The following ABR variants were observed in gnomAD, a reference collection of about 807,000 sequenced individuals.
ABR encodes ABR activator of RhoGEF and GTPase, also known as active breakpoint cluster region-related protein.
In ABR, 35 loss-of-function variants were observed where a neutral mutation model predicts 107.2. That is an observed-to-expected ratio of 0.33 (90% confidence interval 0.25 to 0.43). ABR has a LOEUF of 0.43. Among genes scored for constraint, ABR ranks in the 20% least tolerant of loss-of-function variants. ABR has a pLI of 1.00. For synonymous variants in ABR, 498 were observed against 462.0 expected (o/e 1.08, Z -1.00); for missense variants, 815 against 1,115.2 (o/e 0.73, Z 3.83).
chr17:1,009,771 A>G lies in ABR; in HGVS notation c.2250T>C (p.Pro750=). 1 of 1,613,938 alleles carries G rather than the reference A, an allele frequency of 6.2e-7. No homozygotes were observed. Among genetic ancestry groups the G allele is most frequent in the Non-Finnish European group, 8.5e-7 (1 of 1,179,950 alleles). Residue 750 remains proline, a synonymous_variant, in exon 21 of 23, where the codon CCT becomes CCC. Coordinates refer to ENST00000302538, the MANE Select transcript of ABR (RefSeq NM_021962.5). ...AFMEGIALSD[P]AAKENCMMHL... ...GCATCATGCAGTTTTCCTTGGCAGC[A>G]GGGTCTGACAGGGCTGTGGGAGAGA...
upstream of ABR, among the ~76,000 whole-genome samples, chr17:1,183,458 G>A (rs1051735220): frequency 6.6e-6 from 1 of 152,122 alleles, no homozygotes; most frequent in African/African-American, 2.4e-5. Flanking sequence ...GGGCTGAGTG[G>A]GAAGAAGGTA....
chr17:1,143,938 G>A (rs113724380), intron 1 of ABR, among the ~76,000 whole-genome samples: 9 of 152,174 alleles, frequency 5.9e-5, no homozygotes, highest in African/African-American at 1.9e-4. Context: ...GTGAGCCCAC[G>A]GCCAGGATCT....
upstream of ABR, among the ~76,000 whole-genome samples, chr17:1,181,165 GC>G: frequency 6.6e-6 from 1 of 152,318 alleles, no homozygotes. Context: ...CCCGCAGAAC[GC>G]TGGAGGGGTG....
At chr17:1,203,631 G>A (rs2150725105) in intron 1 of ABR, among the ~76,000 whole-genome samples, 1 of 152,254 alleles carries the variant, frequency 6.6e-6, no homozygotes. Context: ...GCCGCTGCGA[G>A]GAGCCCGGCG....
chr17:1,165,886 G>C (rs1363340060), intron 1 of ABR, among the ~76,000 whole-genome samples: 1 of 152,142 alleles, frequency 6.6e-6, no homozygotes, highest in African/African-American at 2.4e-5. Context: ...TGGTCTCTCT[G>C]AGTCCAGGGC....
chr17:1,106,659 A>G (rs985743286), intron 2 of ABR, among the ~76,000 whole-genome samples: 1 of 150,808 alleles, frequency 6.6e-6, no homozygotes, highest in Non-Finnish European at 1.5e-5. Flanking sequence ...CCTCCTGAGT[A>G]GCTGGGATTA....
At chr17:1,165,391 G>A (rs1484121700) in intron 1 of ABR, among the ~76,000 whole-genome samples, 5 of 152,250 alleles carry the variant, frequency 3.3e-5, no homozygotes, top group Non-Finnish European at 7.3e-5. Context: ...CAGCCAGGGT[G>A]GCACCCACAG....
At chr17:1,141,957 C>T (rs2151498037) in intron 1 of ABR, among the ~76,000 whole-genome samples, 1 of 152,054 alleles carries the variant, frequency 6.6e-6, no homozygotes, top group East Asian at 1.9e-4. Context: ...AGGGTTTCAC[C>T]ATGTTAGCCA....
chr17:1,162,432 T>C (rs112576580), intron 1 of ABR, among the ~76,000 whole-genome samples: 2,441 of 152,154 alleles, frequency 0.016, 62 homozygotes, highest in African/African-American at 0.056. Context: ...CAGCAGGAGA[T>C]GAGAGGAAGA....
At chr17:1,107,214 G>C (rs559909116) in intron 2 of ABR, among the ~76,000 whole-genome samples, 1 of 152,316 alleles carries the variant, frequency 6.6e-6, no homozygotes, top group East Asian at 1.9e-4. Flanking sequence ...GCGTTTTCAG[G>C]TGTGACACGT....
chr17:1,050,567 G>A lies in ABR; in HGVS notation c.1629C>T (p.Phe543=), dbSNP rs762522332. The change falls in exon 15 of 23, where the codon TTC becomes TTT. Residue 543 remains phenylalanine (F), a synonymous_variant. Transcript: ENST00000302538. The surrounding 1 kb of genome is among the most constrained non-coding windows in gnomAD (Gnocchi z 4.6). ...CCCACTTGGGCTCCGCTGTGTCCCGGAACACCCTGGTTTTGGCTTTGCTGA... is the reference window on the plus strand; with the variant it reads ...CCCACTTGGGCTCCGCTGTGTCCCGAAACACCCTGGTTTTGGCTTTGCTGA... ...YFVSKAKTRV[F]RDTAEPKWDE... is the part of the protein sequence containing the mutation. 1 of 1,614,030 alleles carries A rather than the reference G, an allele frequency of 6.2e-7. No homozygotes were observed. Among genetic ancestry groups the A allele is most frequent in the Non-Finnish European group, 8.5e-7 (1 of 1,179,978 alleles).
At chr17:1,216,040 A>AAGGCC (rs1355154503) in intron 1 of ABR, among the ~76,000 whole-genome samples, 2 of 149,770 alleles carry the variant, frequency 1.3e-5, no homozygotes, top group Non-Finnish European at 1.5e-5. Flanking sequence ...AACACTGCGG[A>AAGGCC]AGGCCGCAGG....
At chr17:1,018,507 C>G (rs552159211) in intron 16 of ABR, among the ~76,000 whole-genome samples, 1 of 152,344 alleles carries the variant, frequency 6.6e-6, no homozygotes, top group Admixed American at 6.5e-5. Context: ...CCCTCCTCCG[C>G]CCCAGCTTCC....
chr17:1,198,593 T>G (rs1340465822), intron 1 of ABR, among the ~76,000 whole-genome samples: 1 of 151,032 alleles, frequency 6.6e-6, no homozygotes, highest in Non-Finnish European at 1.5e-5. Context: ...AATACAATAT[T>G]AACCAGGCGT....
chr17:1,160,779 G>A (rs966182088), intron 1 of ABR, among the ~76,000 whole-genome samples: 1 of 152,222 alleles, frequency 6.6e-6, no homozygotes, highest in Non-Finnish European at 1.5e-5. Flanking sequence ...GAAGAAGTGG[G>A]GGAGGACAGA....
At chr17:1,190,303 G>T (rs553677900), upstream of ABR, among the ~76,000 whole-genome samples, 33 of 152,320 alleles carry the variant, frequency 2.2e-4, no homozygotes, top group Non-Finnish European at 4.6e-4. Context: ...TCAGTTCTCA[G>T]AGTCCTTCTC....
At chr17:1,224,738 A>T (rs977182082) in intron 1 of ABR, among the ~76,000 whole-genome samples, 17 of 152,126 alleles carry the variant, frequency 1.1e-4, no homozygotes, top group African/African-American at 4.1e-4. Flanking sequence ...GCAGTGGCAC[A>T]ATCATAGCTC....
intron 4 of ABR, among the ~76,000 whole-genome samples, chr17:1,090,750 T>C (rs569715697): frequency 6.6e-6 from 1 of 152,116 alleles, no homozygotes; most frequent in South Asian, 2.1e-4. Context: ...GGAGGAGGCC[T>C]CCAGCCTCTC....
intron 1 of ABR, among the ~76,000 whole-genome samples, chr17:1,195,484 G>C (rs1038642439): frequency 4.6e-5 from 7 of 151,766 alleles, no homozygotes; most frequent in Admixed American, 4.6e-4. Flanking sequence ...CCTGACCCAG[G>C]CTCAGCAAGT....
Sources: gnomAD v4.1 joint callset for allele counts (sites outside exome capture counted in the v4.1 genomes callset) on GRCh38, gnomAD v4.1.1 for gene constraint, Gnocchi (gnomAD v3.1) non-coding constraint, MANE v1.5 for transcripts, NCBI Gene and HGNC (gene_info 2026-07-23, HGNC 2026-07-21) for gene names.